The following ADORA2B variants were observed in gnomAD, a reference collection of about 807,000 sequenced individuals.
The protein encoded by ADORA2B is adenosine receptor A2b.
In ADORA2B, 18 loss-of-function variants were observed where a neutral mutation model predicts 20.8. The ratio of observed to expected loss-of-function variants is 0.87; its 90% confidence interval spans 0.60 to 1.29. ADORA2B has a LOEUF of 1.29. ADORA2B is among the 50% of genes most tolerant of loss of function. The pLI, the probability that ADORA2B is intolerant of heterozygous loss-of-function variation, is 0.00. For synonymous variants in ADORA2B, 179 were observed against 178.3 expected (o/e 1.00, Z -0.03); for missense variants, 441 against 422.7 (o/e 1.04, Z -0.38).
At chr17:15,897,654 A>T in the ADORA2B span, among the ~76,000 whole-genome samples, 1 of 152,198 alleles carries the variant, frequency 6.6e-6, no homozygotes, top group Non-Finnish European at 1.5e-5. Flanking sequence ...GCTACAATAG[A>T]CAAGTCACAG....
the ADORA2B span, among the ~76,000 whole-genome samples, chr17:15,854,235 G>A: frequency 4.6e-5 from 7 of 152,150 alleles, no homozygotes; most frequent in Admixed American, 3.3e-4. Flanking sequence ...GATTACAGGC[G>A]TGAGCCACCG....
intron 1 of ADORA2B, among the ~76,000 whole-genome samples, chr17:15,965,053 C>G (rs1198686999): frequency 1.4e-5 from 2 of 144,810 alleles, no homozygotes; most frequent in Non-Finnish European, 3.0e-5. Context: ...GAGCTAGACT[C>G]TGTCTCAAAA....
intron 1 of ADORA2B, among the ~76,000 whole-genome samples, chr17:15,962,664 T>TG (rs1401561824): frequency 2.0e-5 from 3 of 152,180 alleles, no homozygotes; most frequent in Non-Finnish European, 4.4e-5. Context: ...CCTGAGTAGC[T>TG]GGGATTACAG....
the ADORA2B span, among the ~76,000 whole-genome samples, chr17:15,850,877 A>G: frequency 2.0e-4 from 30 of 152,198 alleles, no homozygotes; most frequent in Non-Finnish European, 4.1e-4. Flanking sequence ...GTGAGGACCA[A>G]GATTTTTGTT....
the ADORA2B span, among the ~76,000 whole-genome samples, chr17:15,873,251 G>A: frequency 1.3e-5 from 2 of 152,102 alleles, no homozygotes; most frequent in Admixed American, 1.3e-4. Flanking sequence ...AACTCAAGAT[G>A]TATCAAAGAC....
chr17:15,964,765 T>TAA (rs759478919), intron 1 of ADORA2B, among the ~76,000 whole-genome samples: 2 of 146,348 alleles, frequency 1.4e-5, no homozygotes, highest in African/African-American at 5.0e-5. Context: ...AGATGAATAT[T>TAA]AAAAAAAAAA....
upstream of ADORA2B, among the ~76,000 whole-genome samples, chr17:15,944,627 C>G (rs1458419092): frequency 6.6e-6 from 1 of 152,070 alleles, no homozygotes; most frequent in East Asian, 1.9e-4. The surrounding 1 kb of genome is among the most constrained non-coding windows in gnomAD (Gnocchi z 4.8). Context: ...GGAGACAGCT[C>G]CGGTGGTGCT....
chr17:15,963,103 G>A (rs962510295), intron 1 of ADORA2B, among the ~76,000 whole-genome samples: 2 of 151,784 alleles, frequency 1.3e-5, no homozygotes, highest in Admixed American at 6.6e-5. Flanking sequence ...GAGGTAGGAG[G>A]TTTTTTTTAA....
Position 15,974,601 on chromosome 17 carries a change from A to G in ADORA2B, c.336-78A>G, listed in dbSNP as rs183017106. ...TAGAGGTTGTTAAAGGGTCATGGAA[A>G]AAAGAGGAGGTGGGGTCTTGGATTG... On this transcript the variant is annotated intron_variant, in intron 1 of 1. Coordinates refer to ENST00000304222, the MANE Select transcript of ADORA2B (RefSeq NM_000676.4). The G allele has an allele frequency of 1.0e-4, 135 of 1,334,754 alleles. 2 individuals carry two copies. Among genetic ancestry groups the G allele is most frequent in the South Asian group, 9.7e-4 (69 of 71,466 alleles). The allele number at this position is 1,334,754 out of a possible 1,614,324, so 82.7% of individuals were successfully genotyped here. A position where few individuals can be genotyped will look rare whatever the true frequency, so the allele number is the denominator to read the frequency against.
chr17:15,945,336 G>A lies in ADORA2B; in HGVS notation c.88G>A (p.Ala30Thr), dbSNP rs745931332. The A allele has an allele frequency of 1.1e-5, 18 of 1,602,784 alleles. No homozygotes were observed. The African/African-American group carries it at 2.3e-4, about 20-fold the overall frequency. ...LSVAGNVLVCAAVGTANTLQT... is the reference protein window; with the variant it reads ...LSVAGNVLVCTAVGTANTLQT... ...GGTGGCGGGCAACGTGCTGGTGTGCGCCGCGGTGGGCACGGCGAACACTCT... is the reference window on the plus strand; with the variant it reads ...GGTGGCGGGCAACGTGCTGGTGTGCACCGCGGTGGGCACGGCGAACACTCT... Residue 30 changes from alanine (A) to threonine (T), a missense_variant, in exon 1 of 2, where the codon GCC (alanine) becomes ACC (threonine). Coordinates refer to ENST00000304222, the MANE Select transcript of ADORA2B (RefSeq NM_000676.4).
chr17:15,964,848 T>G (rs1270545839), intron 1 of ADORA2B, among the ~76,000 whole-genome samples: 3 of 151,562 alleles, frequency 2.0e-5, no homozygotes, highest in East Asian at 1.9e-4. Context: ...AATCACGAGG[T>G]CAGGAGATCG....
chr17:15,858,797 C>T, the ADORA2B span: 12,732 of 159,998 alleles, frequency 0.08, 1,478 homozygotes, highest in African/African-American at 0.26. Context: ...ATGCTTGAAC[C>T]TTCCTGACCT....
At chr17:15,868,243 G>GAGACTC in the ADORA2B span, among the ~76,000 whole-genome samples, 7 of 118,770 alleles carry the variant, frequency 5.9e-5, no homozygotes, top group Admixed American at 8.3e-5. Flanking sequence ...GCGGAAGGCT[G>GAGACTC]CAGGGTCCTC....
the ADORA2B span, among the ~76,000 whole-genome samples, chr17:15,924,212 C>T: frequency 3.3e-5 from 5 of 152,288 alleles, no homozygotes; most frequent in Admixed American, 6.5e-5. Context: ...TGCACCCAGC[C>T]CTTTTGAGGC....
the ADORA2B span, among the ~76,000 whole-genome samples, chr17:15,919,716 A>G: frequency 3.5e-4 from 54 of 152,178 alleles, no homozygotes; most frequent in Middle Eastern, 3.4e-3. Context: ...ACAGCAGTGG[A>G]TGTGCCCAGT....
At chr17:15,899,502 A>G in the ADORA2B span, among the ~76,000 whole-genome samples, 2 of 152,182 alleles carry the variant, frequency 1.3e-5, no homozygotes, top group Non-Finnish European at 2.9e-5. Flanking sequence ...TTACATGGGT[A>G]TATGGCATGC....
the ADORA2B span, among the ~76,000 whole-genome samples, chr17:15,911,215 C>T: frequency 3.9e-5 from 6 of 152,178 alleles, no homozygotes; most frequent in Non-Finnish European, 7.3e-5. Flanking sequence ...CAATTCAACC[C>T]GAGAGTTATT....
the ADORA2B span, among the ~76,000 whole-genome samples, chr17:15,911,292 T>G: frequency 6.6e-6 from 1 of 152,250 alleles, no homozygotes; most frequent in African/African-American, 2.4e-5. Context: ...CTCCTTGTGC[T>G]TCTACTTTGC....
the ADORA2B span, among the ~76,000 whole-genome samples, chr17:15,937,511 G>A: frequency 3.2e-4 from 49 of 151,954 alleles, no homozygotes; most frequent in Middle Eastern, 3.5e-3. Context: ...GTCTTTCCTG[G>A]GCCTATGCAC....
Sources: allele counts gnomAD v4.1 joint callset (sites outside exome capture counted in the v4.1 genomes callset), GRCh38; gene constraint gnomAD v4.1.1; non-coding constraint Gnocchi (gnomAD v3.1); transcripts MANE v1.5; gene names NCBI Gene and HGNC (gene_info 2026-07-23, HGNC 2026-07-21).